The following PLEKHA5 variants were observed in gnomAD, a reference collection of about 807,000 sequenced individuals.
The protein encoded by PLEKHA5 is pleckstrin homology domain containing A5.
Under a neutral mutation model 181.9 loss-of-function variants are expected in PLEKHA5, and 55 were observed. The ratio of observed to expected loss-of-function variants is 0.30; its 90% confidence interval spans 0.24 to 0.38. The LOEUF is 0.38. Among genes scored for constraint, PLEKHA5 ranks in the 10% least tolerant of loss-of-function variants. The probability of loss-of-function intolerance (pLI) is 1.00; values close to 1 mark genes in which losing one functional copy is unlikely to be tolerated. For missense variants in PLEKHA5, 1,432 were observed against 1,549.5 expected, an observed-to-expected ratio of 0.92 and a Z score of 1.27; for synonymous variants, 535 against 529.4, an observed-to-expected ratio of 1.01 and a Z score of -0.15.
intron 3 of PLEKHA5, among the ~76,000 whole-genome samples, chr12:19,205,839 A>C (rs960981971): frequency 6.6e-6 from 1 of 152,114 alleles, no homozygotes; most frequent in Non-Finnish European, 1.5e-5. Flanking sequence ...TATTGTATCT[A>C]CCAAAGTAAT....
chr12:19,268,395 TA>T (rs1487505483), intron 8 of PLEKHA5, among the ~76,000 whole-genome samples: 1 of 152,210 alleles, frequency 6.6e-6, no homozygotes, highest in Non-Finnish European at 1.5e-5. Context: ...AAAATAGCAA[TA>T]AAAGTGACCA....
intron 13 of PLEKHA5, among the ~76,000 whole-genome samples, chr12:19,289,158 T>G (rs1473252674): frequency 6.6e-6 from 1 of 152,182 alleles, no homozygotes; most frequent in Non-Finnish European, 1.5e-5. Flanking sequence ...CAACTGTTCT[T>G]TTTCTCTTAC....
intron 3 of PLEKHA5, among the ~76,000 whole-genome samples, chr12:19,186,626 C>T (rs1193226358): frequency 6.6e-6 from 1 of 152,184 alleles, no homozygotes; most frequent in Non-Finnish European, 1.5e-5. Context: ...TGAGTCCAGT[C>T]TACATTCCCT....
chr12:19,344,528 G>T (rs564796299), intron 22 of PLEKHA5, among the ~76,000 whole-genome samples: 4 of 152,224 alleles, frequency 2.6e-5, no homozygotes, highest in Admixed American at 2.6e-4. Context: ...TATGAATGCT[G>T]TCATAAGCCA....
intron 3 of PLEKHA5, chr12:19,154,388 T>C (rs1565875566): frequency 6.6e-6 from 1 of 152,190 alleles, no homozygotes; most frequent in Non-Finnish European, 1.5e-5. Context: ...CTTCTCTTCC[T>C]TGTTTTCTTG....
At chr12:19,160,157 TTTTTC>T (rs1291651446) in intron 3 of PLEKHA5, among the ~76,000 whole-genome samples, 1 of 152,108 alleles carries the variant, frequency 6.6e-6, no homozygotes, top group Non-Finnish European at 1.5e-5. Context: ...ATGTTTTAGT[TTTTTC>T]TTTTATTTCT....
At chr12:19,363,403 A>G (rs1229801916) in intron 29 of PLEKHA5, among the ~76,000 whole-genome samples, 2 of 150,922 alleles carry the variant, frequency 1.3e-5, no homozygotes, top group South Asian at 2.1e-4. Context: ...CTCCTGACTC[A>G]TGATCAGCCC....
intron 20 of PLEKHA5, among the ~76,000 whole-genome samples, chr12:19,327,247 G>GTTTTTTT (rs55983306): frequency 1.8e-4 from 25 of 138,388 alleles, no homozygotes; most frequent in Middle Eastern, 3.8e-3. Context: ...ATCTGTTTTT[G>GTTTTTTT]TTTTTTTTTT....
rs892265547 is a variant in PLEKHA5 at position 19,261,148 on chromosome 12, A to C, written c.610+127A>C. The stretch of plus-strand genomic sequence containing the variant: ...TTATTATCAACAAATAGTATCAAAC[A>C]GATTTTTTCTCCTTTGACATATCAT... On this transcript the variant is annotated intron_variant, in intron 7 of 31. Coordinates refer to ENST00000429027, the MANE Select transcript of PLEKHA5 (RefSeq NM_001256470.2). 3 of 515,374 alleles carry C rather than the reference A, an allele frequency of 5.8e-6. No homozygotes were observed. In the Admixed American group the frequency reaches 8.2e-5, roughly 14 times the overall value. 31.9% of individuals were successfully genotyped at this position (515,374 alleles called of 1,614,324 possible).
At chr12:19,286,053 A>G (rs12305937) in intron 12 of PLEKHA5, among the ~76,000 whole-genome samples, 9,888 of 152,284 alleles carry the variant, frequency 0.065, 524 homozygotes, top group East Asian at 0.19. Context: ...TGTTACTGAT[A>G]ACAACGTTTG....
chr12:19,215,041 G>T (rs1364860515), intron 3 of PLEKHA5, among the ~76,000 whole-genome samples: 2 of 152,132 alleles, frequency 1.3e-5, no homozygotes, highest in African/African-American at 4.8e-5. Context: ...GCTGGGTGTG[G>T]TGGCGCATGC....
chr12:19,363,087 A>G (rs1463803324), intron 29 of PLEKHA5, among the ~76,000 whole-genome samples: 1 of 148,770 alleles, frequency 6.7e-6, no homozygotes, highest in African/African-American at 2.5e-5. Context: ...AATTATGGTG[A>G]TTTTCTTTTT....
At chr12:19,258,265 A>C (rs1382325526) in intron 6 of PLEKHA5, among the ~76,000 whole-genome samples, 1 of 152,134 alleles carries the variant, frequency 6.6e-6, no homozygotes, top group Non-Finnish European at 1.5e-5. Context: ...CCCAGTTTGC[A>C]GCTAGGTTTC....
intron 3 of PLEKHA5, among the ~76,000 whole-genome samples, chr12:19,182,648 G>A (rs888023339): frequency 2.6e-5 from 4 of 152,214 alleles, no homozygotes; most frequent in Middle Eastern, 3.4e-3. Flanking sequence ...ATGTTGCCTT[G>A]CATTATTGCC....
chr12:19,215,643 AC>A (rs2057827718), intron 3 of PLEKHA5, among the ~76,000 whole-genome samples: 1 of 152,134 alleles, frequency 6.6e-6, no homozygotes, highest in African/African-American at 2.4e-5. Context: ...CTACTCTGAG[AC>A]CCCTTTAAAA....
chr12:19,323,513 A>G (rs1451935240), intron 20 of PLEKHA5, among the ~76,000 whole-genome samples: 2 of 151,550 alleles, frequency 1.3e-5, no homozygotes, highest in African/African-American at 4.9e-5. Flanking sequence ...CAATCAATCA[A>G]TCAATAGAAA....
At chr12:19,326,925 C>G (rs925428091) in intron 20 of PLEKHA5, among the ~76,000 whole-genome samples, 1 of 152,174 alleles carries the variant, frequency 6.6e-6, no homozygotes, top group Non-Finnish European at 1.5e-5. Context: ...TGTGTAGTAC[C>G]GTGGTATATA....
chr12:19,136,621 T>G (rs557932639), intron 3 of PLEKHA5, among the ~76,000 whole-genome samples: 1 of 152,302 alleles, frequency 6.6e-6, no homozygotes, highest in Non-Finnish European at 1.5e-5. Context: ...GATGGTTAAC[T>G]TAGAGTGCCA....
chr12:19,275,938 A>C (rs1177128701), intron 11 of PLEKHA5, among the ~76,000 whole-genome samples: 1 of 152,230 alleles, frequency 6.6e-6, no homozygotes, highest in Non-Finnish European at 1.5e-5. Context: ...TAGAGGAGAC[A>C]ATTGAATAAG....
Sources: gnomAD v4.1 joint callset for allele counts (sites outside exome capture counted in the v4.1 genomes callset) on GRCh38, gnomAD v4.1.1 for gene constraint, MANE v1.5 for transcripts, NCBI Gene and HGNC (gene_info 2026-07-23, HGNC 2026-07-21) for gene names.